The following LRRC4C variants were observed in gnomAD, a reference collection of about 807,000 sequenced individuals.
LRRC4C encodes the protein leucine-rich repeat-containing protein 4C.
A neutral mutation model predicts 33.6 loss-of-function variants in LRRC4C; 5 were observed. That is an observed-to-expected ratio of 0.15 (90% CI 0.08 to 0.31). The LOEUF (loss-of-function observed/expected upper bound fraction) is 0.31. Among genes scored for constraint, LRRC4C ranks in the 10% least tolerant of loss-of-function variants. LRRC4C has a pLI of 1.00. For synonymous variants in LRRC4C, 329 were observed against 302.0 expected (o/e 1.09, Z -0.93); for missense variants, 560 against 796.7 (o/e 0.70, Z 3.58).
intron 1 of LRRC4C, among the ~76,000 whole-genome samples, chr11:41,285,166 T>C (rs756042442): frequency 2.0e-5 from 3 of 152,190 alleles, no homozygotes; most frequent in Non-Finnish European, 4.4e-5. Flanking sequence ...AACCCCATAA[T>C]AATTCAGTCT....
intron 5 of LRRC4C, among the ~76,000 whole-genome samples, chr11:40,144,755 C>T (rs1857604947): frequency 6.6e-6 from 1 of 152,076 alleles, no homozygotes; most frequent in South Asian, 2.1e-4. Flanking sequence ...AATAAAAGCC[C>T]TAATATGTGA....
chr11:40,207,073 C>G (rs1863214083), intron 5 of LRRC4C, among the ~76,000 whole-genome samples: 1 of 152,170 alleles, frequency 6.6e-6, no homozygotes, highest in African/African-American at 2.4e-5. Flanking sequence ...CAAATCATTT[C>G]AGTTCCAGAA....
intron 2 of LRRC4C, among the ~76,000 whole-genome samples, chr11:40,868,304 C>T (rs1954470630): frequency 6.6e-6 from 1 of 152,098 alleles, no homozygotes; most frequent in Admixed American, 6.6e-5. Context: ...GCTTAAGCTT[C>T]AACTACTGAA....
intron 1 of LRRC4C, among the ~76,000 whole-genome samples, chr11:41,239,321 CAAAAA>C (rs56018613): frequency 0.074 from 4,081 of 55,030 alleles, 76 homozygotes; most frequent in South Asian, 0.15. Flanking sequence ...GACTCTGTCT[CAAAAA>C]AAAAAAAAAA....
At chr11:40,738,765 A>G (rs192542895) in intron 2 of LRRC4C, among the ~76,000 whole-genome samples, 16 of 152,230 alleles carry the variant, frequency 1.1e-4, no homozygotes, top group African/African-American at 3.9e-4. Context: ...AACTTCTATT[A>G]CTAATCTTTT....
intron 5 of LRRC4C, among the ~76,000 whole-genome samples, chr11:40,212,612 C>T (rs1463417996): frequency 6.6e-6 from 1 of 152,026 alleles, no homozygotes; most frequent in South Asian, 2.1e-4. Context: ...ATATATCCAG[C>T]ACTTCCAACA....
intron 1 of LRRC4C, chr11:41,123,095 A>G (rs1314509145): frequency 6.6e-6 from 1 of 152,000 alleles, no homozygotes; most frequent in Admixed American, 6.6e-5. Context: ...AAAAACTCCA[A>G]CACAACTGGA....
intron 2 of LRRC4C, among the ~76,000 whole-genome samples, chr11:40,732,395 T>C (rs1947632795): frequency 6.6e-6 from 1 of 152,216 alleles, no homozygotes; most frequent in Admixed American, 6.5e-5. Context: ...TCTTGCTGAA[T>C]GATGGTCTCT....
At chr11:40,961,511 C>T (rs1592197214) in intron 1 of LRRC4C, among the ~76,000 whole-genome samples, 1 of 151,700 alleles carries the variant, frequency 6.6e-6, no homozygotes, top group Non-Finnish European at 1.5e-5. Flanking sequence ...TTAAAATATG[C>T]ATAACTGGTT....
rs564671977 is a variant in LRRC4C at position 40,845,125 on chromosome 11, CTCT to C, written c.-407+88507_-407+88509del. Reference sequence around the variant, plus strand: ...TTTAATTTGTTAATTTTTTCATAATCTCTTTTTTCTTTTATTTTTGTTGTTTCT... The same window carrying C: ...TTTAATTTGTTAATTTTTTCATAATCTTTTTCTTTTATTTTTGTTGTTTCT... On this transcript the variant is annotated intron_variant, in intron 2 of 6. Coordinates refer to ENST00000528697, the MANE Select transcript of LRRC4C (RefSeq NM_001258419.2). 1.3e-3 allele frequency among the ~76,000 whole-genome samples: 194 copies of C among 151,902 alleles called. 2 individuals are homozygous for C. Among genetic ancestry groups the C allele is most frequent in the African/African-American group, 4.5e-3 (186 of 41,460 alleles).
chr11:41,313,605 TAG>T (rs1950702514), intron 1 of LRRC4C, among the ~76,000 whole-genome samples: 2 of 152,204 alleles, frequency 1.3e-5, no homozygotes, highest in African/African-American at 4.8e-5. Context: ...GGGATAGAGA[TAG>T]TGCTTAGAAT....
At chr11:40,886,750 G>T (rs1171843327) in intron 2 of LRRC4C, among the ~76,000 whole-genome samples, 1 of 151,660 alleles carries the variant, frequency 6.6e-6, no homozygotes, top group Non-Finnish European at 1.5e-5. Context: ...ACTAAATGAA[G>T]AAATGATAAA....
chr11:40,977,652 T>G (rs958559897), intron 1 of LRRC4C, among the ~76,000 whole-genome samples: 2 of 152,166 alleles, frequency 1.3e-5, no homozygotes, highest in Non-Finnish European at 2.9e-5. Flanking sequence ...CCTTATATTT[T>G]CAGTCCAGAT....
intron 1 of LRRC4C, among the ~76,000 whole-genome samples, chr11:41,123,210 T>A (rs769204298): frequency 1.1e-4 from 17 of 151,460 alleles, no homozygotes; most frequent in Non-Finnish European, 2.4e-4. Flanking sequence ...TATCTTGATT[T>A]CAAGCAACTC....
At chr11:40,988,716 T>TTC (rs1853267421) in intron 1 of LRRC4C, among the ~76,000 whole-genome samples, 2 of 119,318 alleles carry the variant, frequency 1.7e-5, no homozygotes, top group Non-Finnish European at 3.3e-5. Flanking sequence ...TTCTTTTCTT[T>TTC]TTTTTTTTTT....
intron 1 of LRRC4C, among the ~76,000 whole-genome samples, chr11:41,459,121 A>G (rs1467061672): frequency 3.3e-5 from 5 of 152,180 alleles, no homozygotes; most frequent in African/African-American, 1.2e-4. Flanking sequence ...AAATTTAGAG[A>G]GTATTGCAAG....
At chr11:40,206,987 C>T (rs1045206921) in intron 5 of LRRC4C, among the ~76,000 whole-genome samples, 3 of 151,844 alleles carry the variant, frequency 2.0e-5, no homozygotes, top group Admixed American at 2.0e-4. Context: ...CAAACACAAC[C>T]CTAGACAGAT....
chr11:40,535,705 T>C (rs567375883), intron 3 of LRRC4C, among the ~76,000 whole-genome samples: 5 of 152,342 alleles, frequency 3.3e-5, no homozygotes, highest in African/African-American at 1.2e-4. Context: ...TTTACTATTA[T>C]GTTTCATGCT....
At chr11:40,600,083 C>G (rs367946814) in intron 3 of LRRC4C, among the ~76,000 whole-genome samples, 3 of 152,252 alleles carry the variant, frequency 2.0e-5, no homozygotes, top group African/African-American at 7.2e-5. Flanking sequence ...TGAGCTCTAA[C>G]TCTGTGCATA....
Sources: allele counts gnomAD v4.1 joint callset (sites outside exome capture counted in the v4.1 genomes callset), GRCh38; gene constraint gnomAD v4.1.1; transcripts MANE v1.5; gene names NCBI Gene and HGNC (gene_info 2026-07-23, HGNC 2026-07-21).